The following LRRC7 variants were observed in gnomAD, a reference collection of about 807,000 sequenced individuals.
LRRC7 encodes the protein leucine-rich repeat-containing protein 7.
In LRRC7, 23 loss-of-function variants were observed where a neutral mutation model predicts 175.7. The ratio of observed to expected loss-of-function variants is 0.13; its 90% CI spans 0.09 to 0.19. The LOEUF is 0.19. Among genes scored for constraint, LRRC7 ranks in the 10% least tolerant of loss-of-function variants. The pLI is 1.00. For missense variants in LRRC7, 1,354 were observed against 1,904.7 expected (o/e 0.71, Z 5.38); for synonymous variants, 685 against 680.9 (o/e 1.01, Z -0.09).
chr1:69,603,839 G>A (rs1193119287), intron 1 of LRRC7, among the ~76,000 whole-genome samples: 4 of 151,834 alleles, frequency 2.6e-5, no homozygotes, highest in Non-Finnish European at 1.5e-5. Flanking sequence ...GACAAGTTAG[G>A]AAGCACAATA....
intron 25 of LRRC7, among the ~76,000 whole-genome samples, chr1:70,094,836 T>C (rs1664276898): frequency 6.6e-6 from 1 of 152,178 alleles, no homozygotes; most frequent in African/African-American, 2.4e-5. Context: ...GGGTGATCCA[T>C]AAACAAAAGC....
chr1:69,836,066 G>A (rs573526886), intron 6 of LRRC7, among the ~76,000 whole-genome samples: 39 of 152,076 alleles, frequency 2.6e-4, no homozygotes, highest in Non-Finnish European at 4.6e-4. Flanking sequence ...GTAAATGATA[G>A]TCTTTGAAAT....
rs892047835 is a variant in LRRC7 at position 70,137,086 on chromosome 1, G to A, written c.*15199G>A. Among the ~76,000 whole-genome samples, 1 of 152,168 alleles carries A rather than the reference G, an allele frequency of 6.6e-6. No individual in the cohort carries two copies. The highest frequency in any genetic ancestry group is 2.4e-5 in the African/African-American group (1 of 41,442). ...TGTTATCTCAGGAAGGAAAGTTCTT[G>A]TCCCTTGTATATATGTATCTTGTCA... On this transcript the variant is annotated 3_prime_UTR_variant, in exon 27 of 27. Transcript: ENST00000651989.
At chr1:69,715,357 T>C (rs1257272500) in intron 2 of LRRC7, among the ~76,000 whole-genome samples, 2 of 152,178 alleles carry the variant, frequency 1.3e-5, no homozygotes, top group African/African-American at 4.8e-5. Context: ...ATAAAGGCTC[T>C]ATATTGAGTA....
At position 70,036,225 on chromosome 1, in the gene LRRC7, C is replaced by A; in HGVS notation, c.2100C>A (p.Asp700Glu). 2 of 1,609,126 alleles carry A rather than the reference C, an allele frequency of 1.2e-6. No individual in the cohort carries two copies. Among genetic ancestry groups the A allele is most frequent in the Admixed American group, 1.7e-5 (1 of 58,944 alleles). Residue 700 changes from aspartate to glutamate, a missense_variant, in exon 19 of 27, where the codon GAC becomes GAA. Around this residue, in one of 4 missense-constraint regions of LRRC7, gnomAD observed 1,032 missense variants for 1,227.2 expected, o/e 0.84. Coordinates refer to ENST00000651989, the MANE Select transcript of LRRC7 (RefSeq NM_001370785.2). ...YPPKLVLLGKDKKESTDESEV... is the reference protein window; with the variant it reads ...YPPKLVLLGKEKKESTDESEV... ...CCAAACTTGTTCTGCTAGGGAAGGA[C>A]AAAAAAGGTAACACTGTGAACCCAA...
At chr1:70,071,552 G>A (rs532455653) in intron 23 of LRRC7, among the ~76,000 whole-genome samples, 104 of 152,106 alleles carry the variant, frequency 6.8e-4, no homozygotes, top group Non-Finnish European at 1.2e-3. Context: ...GGTTTTTGTT[G>A]TTATTGTTGT....
chr1:70,086,922 G>A (rs1262580605), intron 24 of LRRC7, among the ~76,000 whole-genome samples: 1 of 151,770 alleles, frequency 6.6e-6, no homozygotes, highest in Admixed American at 6.6e-5. Context: ...GGCTTCTTTG[G>A]GCCTTAGCAG....
intron 2 of LRRC7, among the ~76,000 whole-genome samples, chr1:69,724,278 G>A (rs1460080056): frequency 3.3e-5 from 5 of 152,126 alleles, no homozygotes; most frequent in African/African-American, 1.2e-4. Flanking sequence ...GCAGGCGGAG[G>A]TTGCAGTGAA....
intron 8 of LRRC7, among the ~76,000 whole-genome samples, chr1:69,975,778 T>C (rs1652752028): frequency 6.6e-6 from 1 of 152,112 alleles, no homozygotes; most frequent in South Asian, 2.1e-4. Context: ...ACCCATACCA[T>C]CCCTGCAGTC....
chr1:69,707,747 T>C (rs1029492333), intron 2 of LRRC7, among the ~76,000 whole-genome samples: 1 of 152,144 alleles, frequency 6.6e-6, no homozygotes, highest in Non-Finnish European at 1.5e-5. Context: ...GATTATAGTC[T>C]TGGAGGTAGG....
chr1:70,086,134 C>CTTAT (rs924346482), intron 24 of LRRC7, among the ~76,000 whole-genome samples: 3 of 151,342 alleles, frequency 2.0e-5, no homozygotes, highest in East Asian at 3.9e-4. Context: ...TATTTATTTA[C>CTTAT]TTATTTATTT....
At chr1:69,758,729 A>G (rs545286966) in intron 2 of LRRC7, among the ~76,000 whole-genome samples, 4 of 151,946 alleles carry the variant, frequency 2.6e-5, no homozygotes, top group Admixed American at 2.0e-4. Context: ...CGCAGTGTTT[A>G]GCTCCCACTT....
At chr1:70,096,737 C>T (rs763799747) in intron 25 of LRRC7, among the ~76,000 whole-genome samples, 2 of 152,012 alleles carry the variant, frequency 1.3e-5, no homozygotes, top group Non-Finnish European at 2.9e-5. Flanking sequence ...ATGATATGTT[C>T]GAGTTTTGTA....
intron 8 of LRRC7, among the ~76,000 whole-genome samples, chr1:69,936,722 C>A (rs1202148993): frequency 6.6e-6 from 1 of 152,026 alleles, no homozygotes; most frequent in African/African-American, 2.4e-5. Context: ...CTCCTCCTAC[C>A]CTCCACCTTC....
At chr1:69,765,044 T>G (rs2100960774) in intron 3 of LRRC7, among the ~76,000 whole-genome samples, 1 of 152,160 alleles carries the variant, frequency 6.6e-6, no homozygotes, top group South Asian at 2.1e-4. Flanking sequence ...CCCTGGTCCA[T>G]AAAATGTGAT....
intron 2 of LRRC7, among the ~76,000 whole-genome samples, chr1:69,692,403 A>G (rs1354651458): frequency 6.6e-6 from 1 of 152,224 alleles, no homozygotes; most frequent in Non-Finnish European, 1.5e-5. Flanking sequence ...AATGTTCCCT[A>G]AAGTCTTTAT....
At chr1:69,711,175 G>A (rs919291963) in intron 2 of LRRC7, among the ~76,000 whole-genome samples, 2 of 152,160 alleles carry the variant, frequency 1.3e-5, no homozygotes, top group Non-Finnish European at 2.9e-5. Flanking sequence ...GCTGAGGATG[G>A]CTGTGGTGTA....
chr1:70,024,862 A>G (rs959675548), intron 17 of LRRC7, among the ~76,000 whole-genome samples: 2 of 152,162 alleles, frequency 1.3e-5, no homozygotes. Context: ...GAACTTCCAA[A>G]CATAATACAA....
At chr1:69,895,147 G>C (rs192114267) in intron 7 of LRRC7, among the ~76,000 whole-genome samples, 1 of 152,254 alleles carries the variant, frequency 6.6e-6, no homozygotes, top group Non-Finnish European at 1.5e-5. Flanking sequence ...CAGGTGAATC[G>C]CTTGAACCCA....
Sources: gnomAD v4.1 joint callset for allele counts (sites outside exome capture counted in the v4.1 genomes callset) on GRCh38, gnomAD v4.1.1 for gene constraint, gnomAD v4.1.1 regional missense constraint, MANE v1.5 for transcripts, NCBI Gene and HGNC (gene_info 2026-07-23, HGNC 2026-07-21) for gene names.